SLC35F1: variants seen among roughly 807,000 people sequenced by gnomAD.
SLC35F1 encodes solute carrier family 35 member F1.
SLC35F1 carries 14 observed loss-of-function variants against 48.7 expected under a neutral mutation model. That is an observed-to-expected ratio of 0.29 (90% CI 0.19 to 0.45). The LOEUF (loss-of-function observed/expected upper bound fraction) is 0.45, where lower values mean the gene tolerates loss of function less well. SLC35F1 is among the 20% of genes least tolerant of loss of function. The pLI is 1.00. For missense variants in SLC35F1, 404 were observed against 500.0 expected (o/e 0.81, Z 1.83); for synonymous variants, 190 against 202.2 (o/e 0.94, Z 0.51).
chr6:117,941,635 T>C (rs1163543256), intron 1 of SLC35F1, among the ~76,000 whole-genome samples: 1 of 152,232 alleles, frequency 6.6e-6, no homozygotes, highest in Non-Finnish European at 1.5e-5. Flanking sequence ...TATTTGCCTT[T>C]GGAGATTATT....
intron 1 of SLC35F1, among the ~76,000 whole-genome samples, chr6:118,098,933 C>T (rs917505128): frequency 6.6e-6 from 1 of 152,166 alleles, no homozygotes; most frequent in African/African-American, 2.4e-5. Flanking sequence ...TTTCTCACCA[C>T]TGTGTTTGGC....
chr6:118,108,434 C>A (rs1773353867), intron 1 of SLC35F1, among the ~76,000 whole-genome samples: 1 of 151,716 alleles, frequency 6.6e-6, no homozygotes, highest in African/African-American at 2.4e-5. Context: ...TTGCTTTAGG[C>A]CCTGGAACAA....
intron 3 of SLC35F1, among the ~76,000 whole-genome samples, chr6:118,238,426 A>AAGTAAT (rs1554239125): frequency 2.1e-5 from 3 of 144,484 alleles, no homozygotes; most frequent in African/African-American, 7.6e-5. Context: ...CCCATCTCTA[A>AAGTAAT]AATAATAATA....
At chr6:118,171,157 C>T (rs1774398653) in intron 2 of SLC35F1, among the ~76,000 whole-genome samples, 1 of 152,126 alleles carries the variant, frequency 6.6e-6, no homozygotes, top group East Asian at 1.9e-4. Flanking sequence ...CTACCTTAGC[C>T]TCCCAAGTAA....
intron 2 of SLC35F1, 47 bp downstream of exon 2, chr6:118,154,667 A>G: frequency 6.5e-7 from 1 of 1,530,882 alleles, no homozygotes; most frequent in Non-Finnish European, 8.8e-7. Context: ...AAACACCTAA[A>G]AAAAAGATGA....
intron 1 of SLC35F1, among the ~76,000 whole-genome samples, chr6:117,931,151 C>A (rs1776096577): frequency 6.6e-6 from 1 of 152,078 alleles, no homozygotes; most frequent in South Asian, 2.1e-4. Context: ...GGTTACCACA[C>A]CCTATTTGAA....
rs1247484175 is a variant in SLC35F1, at chr6:118,267,056, G to A, written c.539G>A (p.Arg180Gln). The A allele has an allele frequency of 6.2e-6, 10 of 1,613,958 alleles. No homozygotes were observed. The highest frequency in any genetic ancestry group is 2.2e-5 in the East Asian group (1 of 44,870). Residue 180 changes from arginine to glutamine, a missense_variant, in exon 4 of 8, where the codon CGG (arginine) becomes CAG (glutamine). By Grantham distance (43) the Arg-to-Gln change is conservative. Around this residue, in one of 2 missense-constraint regions of SLC35F1, gnomAD observed 306 missense variants for 419.1 expected, o/e 0.73. Transcript: ENST00000360388. ...ILLSWFFLLI[R>Q]YKAVHFIGIV... ...CTCTCCTGGTTCTTCCTGCTGATCC[G>A]GTACAAGGCTGTGCATTTCATCGGC...
intron 1 of SLC35F1, among the ~76,000 whole-genome samples, chr6:117,924,488 AT>A (rs1775999284): frequency 6.7e-6 from 1 of 149,506 alleles, no homozygotes; most frequent in African/African-American, 2.5e-5. Context: ...GTATATACGT[AT>A]ATACATATGT....
Position 117,907,737 on chromosome 6 carries a change from C to T in SLC35F1, c.11C>T (p.Pro4Leu), listed in dbSNP as rs1470429218. Residue 4 changes from proline to leucine, a missense_variant, in exon 1 of 8, where the codon CCT becomes CTT. Coordinates refer to ENST00000360388, the MANE Select transcript of SLC35F1 (RefSeq NM_001029858.4). ...TCAGCCTCTGCCGCGATGATCCCCC[C>T]TGAGCAGCCGCAGCAGCAGCTGCAG... is the stretch of plus-strand genomic sequence containing the variant. MIP[P>L]EQPQQQLQPP... 3 of 1,542,834 alleles carry T rather than the reference C, an allele frequency of 1.9e-6. No homozygotes were observed. Among genetic ancestry groups the T allele is most frequent in the Non-Finnish European group, 2.6e-6 (3 of 1,151,288 alleles).
At chr6:118,085,492 T>TTTTTC (rs1772975916) in intron 1 of SLC35F1, among the ~76,000 whole-genome samples, 1 of 109,220 alleles carries the variant, frequency 9.2e-6, no homozygotes. Context: ...CTTTCCTTTT[T>TTTTTC]TTTTTTTTTT....
chr6:118,289,264 G>C (rs1220496876), intron 7 of SLC35F1, among the ~76,000 whole-genome samples: 1 of 152,136 alleles, frequency 6.6e-6, no homozygotes, highest in Non-Finnish European at 1.5e-5. Context: ...GGACATCTGG[G>C]CATCTCTACT....
At position 118,283,705 on chromosome 6, in the gene SLC35F1, G is replaced by A. The variant is rs566196937; in HGVS notation, c.848-1479G>A. ...GTCTGTTAATCACAGATTTCTTTAA[G>A]GAGTACCAAATTAATTTTTATGTCT... On this transcript the variant is annotated intron_variant, in intron 6 of 7. Coordinates refer to ENST00000360388, the MANE Select transcript of SLC35F1 (RefSeq NM_001029858.4). 8.5e-5 allele frequency among the ~76,000 whole-genome samples: 13 copies of A among 152,280 alleles called. No homozygotes were observed. The South Asian group carries it at 2.5e-3, about 29-fold the overall frequency.
chr6:118,190,223 C>A (rs747318123), intron 2 of SLC35F1, among the ~76,000 whole-genome samples: 103 of 152,140 alleles, frequency 6.8e-4, no homozygotes, highest in Non-Finnish European at 1.1e-3. Context: ...GTGAGTTTTG[C>A]AAAGGTAGGA....
chr6:118,150,914 TA>T (rs1487156045), intron 1 of SLC35F1, among the ~76,000 whole-genome samples: 5 of 152,194 alleles, frequency 3.3e-5, no homozygotes, highest in Non-Finnish European at 7.3e-5. Context: ...TAGTCACTAC[TA>T]GCTATCCCCT....
At position 118,285,261 on chromosome 6, in the gene SLC35F1, G is replaced by T; in HGVS notation, c.925G>T (p.Ala309Ser). The change falls in exon 7 of 8, where the codon GCC becomes TCC. Residue 309 changes from alanine (A) to serine (S), a missense_variant. This residue lies in a region of SLC35F1 where 306 missense variants were observed against 419.1 expected (regional missense o/e 0.73). Coordinates refer to ENST00000360388, the MANE Select transcript of SLC35F1 (RefSeq NM_001029858.4). ...GCCAGTCGTCATAAAGAAAACCAGTGCCACTTCAGTCAACCTCTCCTTGCT... is the reference window on the plus strand; with the variant it reads ...GCCAGTCGTCATAAAGAAAACCAGTTCCACTTCAGTCAACCTCTCCTTGCT... Reference protein sequence around the residue: ...FMPVVIKKTSATSVNLSLLTA... With the variant: ...FMPVVIKKTSSTSVNLSLLTA... 6.2e-7 allele frequency: 1 copy of T among 1,613,988 alleles called. No individual in the cohort carries two copies. The highest frequency in any genetic ancestry group is 1.1e-5 in the South Asian group (1 of 91,078).
intron 1 of SLC35F1, among the ~76,000 whole-genome samples, chr6:118,143,123 A>G (rs952051338): frequency 1.3e-5 from 2 of 152,202 alleles, no homozygotes; most frequent in Non-Finnish European, 2.9e-5. Context: ...AAGCATAAAA[A>G]TGTAGTAAAT....
At chr6:118,145,815 T>A (rs1192245205) in intron 1 of SLC35F1, among the ~76,000 whole-genome samples, 2 of 152,196 alleles carry the variant, frequency 1.3e-5, no homozygotes, top group Non-Finnish European at 2.9e-5. Context: ...CTCATTACTT[T>A]AAAAAATTTT....
At chr6:118,116,625 T>G (rs1392806725) in intron 1 of SLC35F1, among the ~76,000 whole-genome samples, 3 of 152,204 alleles carry the variant, frequency 2.0e-5, no homozygotes, top group Non-Finnish European at 4.4e-5. Flanking sequence ...TCAAAATCCA[T>G]GTTCTTAAAG....
At chr6:118,129,669 A>G (rs1773681588) in intron 1 of SLC35F1, among the ~76,000 whole-genome samples, 2 of 152,116 alleles carry the variant, frequency 1.3e-5, no homozygotes. Context: ...CTGCAAATAG[A>G]TTGGACCTAG....
Sources: allele counts gnomAD v4.1 joint callset (sites outside exome capture counted in the v4.1 genomes callset), GRCh38; gene constraint gnomAD v4.1.1; regional missense constraint gnomAD v4.1.1; transcripts MANE v1.5; gene names NCBI Gene and HGNC (gene_info 2026-07-23, HGNC 2026-07-21).